The following ZNF273 variants were observed in gnomAD, a reference collection of about 807,000 sequenced individuals.
The protein encoded by ZNF273 is zinc finger protein 273, also known as zinc finger protein 9.
A neutral mutation model predicts 14.9 loss-of-function variants in ZNF273; 11 were observed. The observed-to-expected ratio is 0.74, with a 90% CI of 0.46 to 1.22. The LOEUF (loss-of-function observed/expected upper bound fraction) is 1.22. ZNF273 is among the 50% of genes most tolerant of loss of function. The pLI, the probability that ZNF273 is intolerant of heterozygous loss-of-function variation, is 0.00. For missense variants in ZNF273, 577 were observed against 660.6 expected (o/e 0.87, Z 1.39); for synonymous variants, 199 against 223.9 (o/e 0.89, Z 0.99).
At position 64,903,439 on chromosome 7, in the gene ZNF273, G is replaced by A; in HGVS notation, c.102+20G>A. The A allele has an allele frequency of 6.3e-7, 1 of 1,598,894 alleles. No homozygotes were observed. Among genetic ancestry groups the A allele is most frequent in the Admixed American group, 1.7e-5 (1 of 59,938 alleles). On this transcript the variant is annotated intron_variant, in intron 1 of 3. Transcript: ENST00000476120. ...GAAATGGTGAGAGTGCCGGGTCCCA[G>A]ATCCCGAGAGAGGGGGAGGGCCTGG...
chr7:64,912,524 T>G (rs10226807), intron 1 of ZNF273, among the ~76,000 whole-genome samples: 63,169 of 151,808 alleles, frequency 0.42, 13,349 homozygotes, highest in South Asian at 0.45. Context: ...TTCTTTAAAG[T>G]GCACACAGTG....
At chr7:64,881,425 A>G (rs986355670), downstream of ZNF273, among the ~76,000 whole-genome samples, 1 of 152,252 alleles carries the variant, frequency 6.6e-6, no homozygotes, top group Admixed American at 6.5e-5. Context: ...TCACGGTTTA[A>G]GCACTAGGCT....
intron 1 of ZNF273, chr7:64,888,443 C>T: frequency 5.1e-6 from 5 of 985,774 alleles, no homozygotes; most frequent in Non-Finnish European, 6.0e-6. Context: ...GGGCCTGGCT[C>T]TCAAGGAAGG....
At chr7:64,919,808 A>G (rs1344206557) in intron 3 of ZNF273, among the ~76,000 whole-genome samples, 5 of 152,090 alleles carry the variant, frequency 3.3e-5, no homozygotes, top group African/African-American at 1.2e-4. Flanking sequence ...TTTATTAAAC[A>G]GGTTTTCATG....
intron 3 of ZNF273, among the ~76,000 whole-genome samples, chr7:64,918,712 A>G (rs1051367028): frequency 1.3e-5 from 2 of 151,036 alleles, no homozygotes; most frequent in Admixed American, 1.3e-4. Context: ...GCTGCGTTCA[A>G]AAAAAGTAGT....
intron 1 of ZNF273, among the ~76,000 whole-genome samples, chr7:64,884,983 C>A (rs886249541): frequency 6.6e-6 from 1 of 152,216 alleles, no homozygotes; most frequent in Non-Finnish European, 1.5e-5. Context: ...GACAGCCTGG[C>A]CCCAGCACCT....
intron 2 of ZNF273, chr7:64,879,408 T>C (rs1237434607): frequency 1.3e-5 from 2 of 150,054 alleles, no homozygotes; most frequent in East Asian, 1.9e-4. Context: ...TTATGGAGGG[T>C]CCACAGTGCC....
chr7:64,931,301 A>C (rs1390442825), downstream of ZNF273, among the ~76,000 whole-genome samples: 1 of 152,162 alleles, frequency 6.6e-6, no homozygotes, highest in Non-Finnish European at 1.5e-5. Flanking sequence ...ATTACTGTAA[A>C]ATATTATGGC....
chr7:64,911,260 C>G (rs928402181), intron 1 of ZNF273, among the ~76,000 whole-genome samples: 1 of 147,648 alleles, frequency 6.8e-6, no homozygotes, highest in African/African-American at 2.5e-5. Flanking sequence ...ACAAAGCCTA[C>G]TTGATTATAG....
intron 1 of ZNF273, among the ~76,000 whole-genome samples, chr7:64,887,646 C>G (rs1049109217): frequency 7.2e-6 from 1 of 138,770 alleles, no homozygotes; most frequent in South Asian, 2.5e-4. Flanking sequence ...TACAGGCGCC[C>G]GCCACTACAT....
chr7:64,883,443 T>C (rs1045346129), downstream of ZNF273, among the ~76,000 whole-genome samples: 2 of 151,980 alleles, frequency 1.3e-5, no homozygotes, highest in Non-Finnish European at 2.9e-5. Context: ...ATTCCGGTAA[T>C]GGATAGTGTG....
At chr7:64,918,658 TCAA>T (rs1309080075) in intron 3 of ZNF273, among the ~76,000 whole-genome samples, 1 of 8,794 alleles carries the variant, frequency 1.1e-4, no homozygotes, top group African/African-American at 3.7e-4. Flanking sequence ...AGACTCCATC[TCAA>T]AAAAAAAAAA....
At chr7:64,920,527 G>T (rs757995096) in intron 3 of ZNF273, among the ~76,000 whole-genome samples, 1 of 152,178 alleles carries the variant, frequency 6.6e-6, no homozygotes, top group African/African-American at 2.4e-5. Context: ...TAAGCCTCTG[G>T]AAGGGCAGGA....
chr7:64,888,037 A>G (rs1336498895), intron 1 of ZNF273, among the ~76,000 whole-genome samples: 1 of 152,080 alleles, frequency 6.6e-6, no homozygotes, highest in Non-Finnish European at 1.5e-5. Context: ...TCCCAGCCCC[A>G]ATGCTGGCAC....
At chr7:64,905,960 A>G (rs1010046411) in intron 1 of ZNF273, among the ~76,000 whole-genome samples, 4 of 152,354 alleles carry the variant, frequency 2.6e-5, no homozygotes, top group South Asian at 2.1e-4. Flanking sequence ...ATCTAATTAT[A>G]TAGTCCATTT....
chr7:64,911,911 T>G (rs756312187), intron 1 of ZNF273, among the ~76,000 whole-genome samples: 3 of 152,050 alleles, frequency 2.0e-5, no homozygotes, highest in Non-Finnish European at 4.4e-5. Context: ...GTTCCAGGGA[T>G]ACTGGTATGT....
exon 2 of ZNF273, chr7:64,878,490 A>T (rs1219395223): frequency 6.6e-6 from 1 of 152,296 alleles, no homozygotes; most frequent in Non-Finnish European, 1.5e-5. Context: ...GAGAGGTCCG[A>T]TACGGGTGAG....
chr7:64,891,223 T>C (rs1242803123), downstream of ZNF273, among the ~76,000 whole-genome samples: 1 of 152,216 alleles, frequency 6.6e-6, no homozygotes, highest in Non-Finnish European at 1.5e-5. Context: ...TGGCCATATC[T>C]CTCTGTAAGC....
At chr7:64,936,340 T>A in the ZNF273 span, among the ~76,000 whole-genome samples, 20 of 152,294 alleles carry the variant, frequency 1.3e-4, no homozygotes, top group African/African-American at 4.3e-4. Context: ...TAAGACCCCA[T>A]AGGTGCATGT....
Sources: gnomAD v4.1 joint callset for allele counts (sites outside exome capture counted in the v4.1 genomes callset) on GRCh38, gnomAD v4.1.1 for gene constraint, MANE v1.5 for transcripts, NCBI Gene and HGNC (gene_info 2026-07-23, HGNC 2026-07-21) for gene names.